GRAP2: variants seen among roughly 807,000 people sequenced by gnomAD.
The protein encoded by GRAP2 is GRB2-related adapter protein 2.
GRAP2 carries 31 observed loss-of-function variants against 43.5 expected under a neutral mutation model. The ratio of observed to expected loss-of-function variants is 0.71; its 90% CI spans 0.54 to 0.96. The LOEUF (loss-of-function observed/expected upper bound fraction) is 0.96, where lower values mean the gene tolerates loss of function less well. GRAP2 is among the 40% of genes least tolerant of loss of function. The pLI is 0.00. For synonymous variants in GRAP2, 156 were observed against 164.8 expected (o/e 0.95, Z 0.41); for missense variants, 371 against 424.4 (o/e 0.87, Z 1.11).
chr22:39,895,720 C>A, the GRAP2 span, among the ~76,000 whole-genome samples: 1 of 152,120 alleles, frequency 6.6e-6, no homozygotes, highest in Non-Finnish European at 1.5e-5. Context: ...AAGCACTATG[C>A]TGAGCTATGA....
chr22:39,913,075 C>A (rs1456229730), intron 1 of GRAP2, among the ~76,000 whole-genome samples: 2 of 151,852 alleles, frequency 1.3e-5, no homozygotes, highest in African/African-American at 4.8e-5. Context: ...CGCCTGTAAT[C>A]CCAGCTACTC....
chr22:39,962,051 G>C (rs2067124958), intron 4 of GRAP2, among the ~76,000 whole-genome samples: 1 of 152,210 alleles, frequency 6.6e-6, no homozygotes, highest in Non-Finnish European at 1.5e-5. Flanking sequence ...GTTAACTTTA[G>C]TTCAGGCCAA....
At chr22:39,954,326 A>G (rs1401207547) in intron 2 of GRAP2, among the ~76,000 whole-genome samples, 27 of 152,236 alleles carry the variant, frequency 1.8e-4, no homozygotes, top group Non-Finnish European at 4.4e-5. Flanking sequence ...CAGTGACATT[A>G]TCAGAGTTCT....
intron 4 of GRAP2, chr22:39,960,526 AG>A (rs1269240073): frequency 4.6e-6 from 1 of 217,078 alleles, no homozygotes; most frequent in East Asian, 9.8e-5. Context: ...GGAAGGAAGG[AG>A]GGATAGGAGG....
chr22:39,960,701 C>T (rs1417451337), intron 4 of GRAP2: 1 of 153,866 alleles, frequency 6.5e-6, no homozygotes, highest in Middle Eastern at 3.2e-3. Context: ...CTTTGCCCAT[C>T]AGAGGAGTCA....
At chr22:39,930,846 G>A (rs1040557115) in intron 1 of GRAP2, among the ~76,000 whole-genome samples, 1 of 152,078 alleles carries the variant, frequency 6.6e-6, no homozygotes, top group African/African-American at 2.4e-5. Flanking sequence ...TTCTCTCTGT[G>A]TGTCATATAT....
intron 1 of GRAP2, among the ~76,000 whole-genome samples, chr22:39,919,789 A>G (rs151207080): frequency 5.5e-4 from 84 of 152,378 alleles, no homozygotes; most frequent in African/African-American, 1.9e-3. Context: ...AAGTCCTCCC[A>G]TAAATATGAA....
At chr22:39,933,599 C>T (rs987211869) in intron 1 of GRAP2, among the ~76,000 whole-genome samples, 4 of 151,848 alleles carry the variant, frequency 2.6e-5, no homozygotes, top group Non-Finnish European at 2.9e-5. Flanking sequence ...CCAGCACTTT[C>T]GGAGGCCAAG....
chr22:39,934,869 TA>T (rs202047333), intron 1 of GRAP2, among the ~76,000 whole-genome samples: 6 of 149,768 alleles, frequency 4.0e-5, no homozygotes, highest in South Asian at 4.2e-4. Flanking sequence ...AGACCCTATC[TA>T]AAAAAAAACA....
At chr22:39,947,494 A>G (rs2066936217) in intron 2 of GRAP2, 7 of 351,522 alleles carry the variant, frequency 2.0e-5, no homozygotes, top group Non-Finnish European at 2.1e-5. Context: ...AAGTGATTCC[A>G]TCTTGAAAGA....
intron 2 of GRAP2, among the ~76,000 whole-genome samples, chr22:39,952,890 C>G (rs1215543581): frequency 6.6e-6 from 1 of 152,164 alleles, no homozygotes; most frequent in African/African-American, 2.4e-5. Context: ...CACATCAGCT[C>G]TGTGAGGTGC....
At chr22:39,940,906 A>T (rs1337978397) in intron 1 of GRAP2, among the ~76,000 whole-genome samples, 1 of 152,228 alleles carries the variant, frequency 6.6e-6, no homozygotes, top group Non-Finnish European at 1.5e-5. Flanking sequence ...GTTAAAGGTT[A>T]CCGGGACTCA....
intron 1 of GRAP2, among the ~76,000 whole-genome samples, chr22:39,936,258 G>A (rs1273467111): frequency 6.6e-6 from 1 of 152,132 alleles, no homozygotes; most frequent in Non-Finnish European, 1.5e-5. Flanking sequence ...ATTCAGGGGT[G>A]GGGGGCGGTA....
chr22:39,935,500 A>G (rs1222509237), intron 1 of GRAP2, among the ~76,000 whole-genome samples: 1 of 151,514 alleles, frequency 6.6e-6, no homozygotes, highest in Non-Finnish European at 1.5e-5. Flanking sequence ...CAAATTAGAA[A>G]GAACAAAATT....
chr22:39,909,196 G>A (rs530420903), intron 1 of GRAP2, among the ~76,000 whole-genome samples: 16 of 152,082 alleles, frequency 1.1e-4, no homozygotes, highest in Middle Eastern at 3.4e-3. Context: ...TTTATAAACC[G>A]GGTACTATAA....
intron 1 of GRAP2, among the ~76,000 whole-genome samples, chr22:39,916,918 G>A (rs2145583039): frequency 6.6e-6 from 1 of 151,654 alleles, no homozygotes; most frequent in African/African-American, 2.4e-5. Context: ...TGTAACTATT[G>A]CCAAGTACAT....
At chr22:39,961,723 A>T (rs1286805168) in intron 4 of GRAP2, among the ~76,000 whole-genome samples, 1 of 152,254 alleles carries the variant, frequency 6.6e-6, no homozygotes, top group Admixed American at 6.5e-5. Flanking sequence ...TAATGCTGTT[A>T]GCAGATCAGG....
At position 39,910,649 on chromosome 22, in the gene GRAP2, C is replaced by T. The variant is rs181918920; in HGVS notation, c.-15+9319C>T. Among the ~76,000 whole-genome samples, 769 of 151,766 alleles carry T rather than the reference C, an allele frequency of 5.1e-3. 7 individuals carry two copies. Among genetic ancestry groups the T allele is most frequent in the Middle Eastern group, 0.02 (6 of 294 alleles). On this transcript the variant is annotated intron_variant, in intron 1 of 7. Transcript: ENST00000344138. ...GTCTTGAACTCCTGACATTGTGATC[C>T]GCCTGCCTCGGCCTCGCAAAGTGCT... is the stretch of plus-strand genomic sequence containing the variant.
chr22:39,939,108 T>A (rs893970079), intron 1 of GRAP2, among the ~76,000 whole-genome samples: 1 of 152,324 alleles, frequency 6.6e-6, no homozygotes, highest in East Asian at 1.9e-4. Flanking sequence ...CCCAGCCAAC[T>A]AGCCAGAAAG....
Sources: allele counts gnomAD v4.1 joint callset (sites outside exome capture counted in the v4.1 genomes callset), GRCh38; gene constraint gnomAD v4.1.1; transcripts MANE v1.5; gene names NCBI Gene and HGNC (gene_info 2026-07-23, HGNC 2026-07-21).